Variants in CACHD1 observed in about 807,000 individuals in gnomAD.
CACHD1 encodes the protein VWFA and cache domain-containing protein 1.
Under a neutral mutation model 138.7 loss-of-function variants are expected in CACHD1, and 71 were observed. The observed-to-expected ratio is 0.51, with a 90% confidence interval of 0.42 to 0.62. The LOEUF (loss-of-function observed/expected upper bound fraction) is 0.62, where lower values mean the gene tolerates loss of function less well. Ranked by LOEUF, CACHD1 falls within the 20% of genes least tolerant of loss-of-function variation. CACHD1 has a pLI of 0.00. For missense variants in CACHD1, 1,389 were observed against 1,625.3 expected (o/e 0.85, Z 2.50); for synonymous variants, 578 against 591.5 (o/e 0.98, Z 0.33).
intron 1 of CACHD1, among the ~76,000 whole-genome samples, chr1:64,549,506 C>G (rs141417560): frequency 2.0e-5 from 3 of 152,258 alleles, no homozygotes; most frequent in East Asian, 3.9e-4. Context: ...CACTCCACCC[C>G]CCGACCAAAC....
At chr1:64,657,342 G>A (rs1265167959) in intron 12 of CACHD1, among the ~76,000 whole-genome samples, 1 of 152,112 alleles carries the variant, frequency 6.6e-6, no homozygotes, top group African/African-American at 2.4e-5. Flanking sequence ...CCTAAGAACT[G>A]TTTATAAAGT....
intron 4 of CACHD1, among the ~76,000 whole-genome samples, chr1:64,617,666 C>A (rs76113347): frequency 6.6e-6 from 1 of 152,204 alleles, no homozygotes; most frequent in East Asian, 1.9e-4. Flanking sequence ...TTGCAATGGG[C>A]CTTAACTGGC....
chr1:64,691,279 G>A (rs199681820), intron 26 of CACHD1, 44 bp from the exon 27 acceptor site: 149 of 1,569,274 alleles, frequency 9.5e-5, no homozygotes, highest in Middle Eastern at 1.7e-4. Context: ...TTCTGTCTGC[G>A]TCTTGAAGCT....
At chr1:64,505,840 C>T in intron 1 of CACHD1, 1 of 142,526 alleles carries the variant, frequency 7.0e-6, no homozygotes, top group South Asian at 2.0e-4. Context: ...CTCTTTGTTC[C>T]CCGGCCTCGC....
intron 1 of CACHD1, among the ~76,000 whole-genome samples, chr1:64,511,346 T>G (rs1405917866): frequency 6.6e-6 from 1 of 152,234 alleles, no homozygotes; most frequent in Non-Finnish European, 1.5e-5. Context: ...CCAGGGCTTT[T>G]ATATTTCAAA....
chr1:64,596,967 TTC>T (rs1647158113), intron 3 of CACHD1, among the ~76,000 whole-genome samples: 1 of 152,108 alleles, frequency 6.6e-6, no homozygotes, highest in Non-Finnish European at 1.5e-5. Flanking sequence ...TGAGGCAGAC[TTC>T]TCTGGAAATA....
intron 12 of CACHD1, among the ~76,000 whole-genome samples, chr1:64,657,834 T>C (rs1196796056): frequency 3.9e-5 from 6 of 152,228 alleles, no homozygotes; most frequent in African/African-American, 1.4e-4. Context: ...CTTCATTTAT[T>C]TATAAACCAT....
chr1:64,500,871 A>C (rs572066605), intron 1 of CACHD1, among the ~76,000 whole-genome samples: 1 of 152,068 alleles, frequency 6.6e-6, no homozygotes, highest in African/African-American at 2.4e-5. Context: ...AACATGGTGA[A>C]ACCCCGTCTC....
chr1:64,671,746 A>G (rs560887717), intron 17 of CACHD1, 60 bp downstream of exon 17: 1 of 1,603,042 alleles, frequency 6.2e-7, no homozygotes, highest in South Asian at 1.1e-5. Flanking sequence ...GATGTCAGGT[A>G]TCTCTAGTTG....
intron 10 of CACHD1, among the ~76,000 whole-genome samples, chr1:64,653,322 C>T (rs888082363): frequency 1.3e-5 from 2 of 149,434 alleles, no homozygotes; most frequent in African/African-American, 2.5e-5. Flanking sequence ...GTACAACAAA[C>T]CCCCGTGACA....
chr1:64,479,287 G>T (rs1646195426), intron 1 of CACHD1, among the ~76,000 whole-genome samples: 1 of 152,222 alleles, frequency 6.6e-6, no homozygotes, highest in Non-Finnish European at 1.5e-5. Context: ...CTACCCATCA[G>T]TTAATTTCTG....
At chr1:64,504,644 G>A (rs61787362) in intron 1 of CACHD1, among the ~76,000 whole-genome samples, 11,390 of 152,132 alleles carry the variant, frequency 0.075, 521 homozygotes, top group Middle Eastern at 0.1. Context: ...ACTATATTTA[G>A]GAAGAATAAA....
At chr1:64,652,395 A>G in intron 10 of CACHD1, 85 bp downstream of exon 10, 1 of 1,232,962 alleles carries the variant, frequency 8.1e-7, no homozygotes. Context: ...ACAAAATAGG[A>G]AAATGATAGT....
rs542341847 is a variant in CACHD1, at chr1:64,492,704, G to A, written c.198+21762G>A. Among the ~76,000 whole-genome samples, 65 of 152,206 alleles carry A rather than the reference G, an allele frequency of 4.3e-4. 1 individual carries two copies. The South Asian group carries it at 0.013, about 31-fold the overall frequency. On this transcript the variant is annotated intron_variant, in intron 1 of 26. Coordinates refer to ENST00000651257, the MANE Select transcript of CACHD1 (RefSeq NM_020925.4). ...CAGCACCGCCACTGGGACTGCCTGGGCTTCCTGTCCAGTTATTTTTGTCTT... is the reference window on the plus strand; with the variant it reads ...CAGCACCGCCACTGGGACTGCCTGGACTTCCTGTCCAGTTATTTTTGTCTT...
At chr1:64,591,904 C>T (rs1230794898) in intron 3 of CACHD1, among the ~76,000 whole-genome samples, 1 of 152,168 alleles carries the variant, frequency 6.6e-6, no homozygotes, top group Non-Finnish European at 1.5e-5. Context: ...TTCAGGGACC[C>T]TGTCAGATAC....
intron 8 of CACHD1, among the ~76,000 whole-genome samples, chr1:64,644,675 TTCTC>T (rs1378520773): frequency 6.6e-6 from 1 of 152,266 alleles, no homozygotes. Flanking sequence ...ACTGCCAGTT[TTCTC>T]TCTCTTTCTC....
At chr1:64,545,190 TAG>T (rs1197703256) in intron 1 of CACHD1, among the ~76,000 whole-genome samples, 1 of 152,238 alleles carries the variant, frequency 6.6e-6, no homozygotes, top group Non-Finnish European at 1.5e-5. Flanking sequence ...GAGTATATTT[TAG>T]AGAGACTACC....
chr1:64,663,891 G>C, intron 14 of CACHD1, 54 bp downstream of exon 14: 1 of 1,608,366 alleles, frequency 6.2e-7, no homozygotes, highest in Non-Finnish European at 8.5e-7. Context: ...AGGCCCAGCA[G>C]GGGGTGCTGG....
At position 64,470,816 on chromosome 1, in the gene CACHD1, C is replaced by T; in HGVS notation, c.72C>T (p.Cys24=). ...GGCGGCCGCCCCTCTGGCTGCTCTG[C>T]CTGGTCGCGTGCTGGCTCCTGGGCG... ...RARRPPLWLL[C]LVACWLLGAG... Residue 24 remains cysteine (C), a synonymous_variant, in exon 1 of 27, where the codon TGC becomes TGT. Coordinates refer to ENST00000651257, the MANE Select transcript of CACHD1 (RefSeq NM_020925.4). The surrounding 1 kb of genome is among the most constrained non-coding windows in gnomAD (Gnocchi z 5.2). 1.4e-6 allele frequency: 2 copies of T among 1,465,118 alleles called. No individual in the cohort carries two copies. Among genetic ancestry groups the T allele is most frequent in the South Asian group, 1.2e-5 (1 of 83,834 alleles). 90.8% of individuals were successfully genotyped at this position (1,465,118 alleles called of 1,614,324 possible). A position where few individuals can be genotyped will look rare whatever the true frequency, so the allele number is the denominator to read the frequency against.
Sources: allele counts gnomAD v4.1 joint callset (sites outside exome capture counted in the v4.1 genomes callset), GRCh38; gene constraint gnomAD v4.1.1; non-coding constraint Gnocchi (gnomAD v3.1); transcripts MANE v1.5; gene names NCBI Gene and HGNC (gene_info 2026-07-23, HGNC 2026-07-21).